The following TENM4 variants were observed in gnomAD, a reference collection of about 807,000 sequenced individuals.
The protein encoded by TENM4 is teneurin transmembrane protein 4, also known as teneurin-4.
A neutral mutation model predicts 243.3 loss-of-function variants in TENM4; 82 were observed. The ratio of observed to expected loss-of-function variants is 0.34; its 90% CI spans 0.28 to 0.40. TENM4 has a LOEUF of 0.40. Among genes scored for constraint, TENM4 ranks in the 10% least tolerant of loss-of-function variants. The probability of loss-of-function intolerance (pLI) is 1.00; values close to 1 mark genes in which losing one functional copy is unlikely to be tolerated. For synonymous variants in TENM4, 1,412 were observed against 1,456.3 expected, an observed-to-expected ratio of 0.97 and a Z score of 0.69; for missense variants, 3,138 against 3,673.3, an observed-to-expected ratio of 0.85 and a Z score of 3.77.
intron 1 of TENM4, among the ~76,000 whole-genome samples, chr11:79,311,106 T>C (rs374781095): frequency 1.3e-5 from 2 of 152,180 alleles, no homozygotes; most frequent in African/African-American, 4.8e-5. Flanking sequence ...GCGAATGTCG[T>C]AGCTAACACA....
intron 2 of TENM4, among the ~76,000 whole-genome samples, chr11:79,287,666 G>A (rs2135376238): frequency 1.3e-5 from 2 of 152,212 alleles, no homozygotes; most frequent in Admixed American, 1.3e-4. Flanking sequence ...AGGTAACACT[G>A]AGGACCAGAA....
intron 20 of TENM4, among the ~76,000 whole-genome samples, chr11:78,733,686 A>G (rs1389242379): frequency 6.6e-6 from 1 of 152,088 alleles, no homozygotes; most frequent in Non-Finnish European, 1.5e-5. Context: ...TTGTACACCC[A>G]ATGTTTCTGA....
Position 78,702,027 on chromosome 11 carries a change from C to T in TENM4, c.4586G>A (p.Gly1529Asp). 2 of 1,613,876 alleles carry T rather than the reference C, an allele frequency of 1.2e-6. No individual in the cohort carries two copies. Among genetic ancestry groups the T allele is most frequent in the South Asian group, 1.1e-5 (1 of 91,058 alleles). The part of the protein sequence containing the change: ...ANCDCFSGDD[G>D]YAKDAKLNTP... ...ATTTAACTTTGCATCCTTGGCATAA[C>T]CATCGTCTCCAGAAAAACAATCACA... Residue 1529 changes from glycine to aspartate, a missense_variant, in exon 28 of 34, where the codon GGT becomes GAT. Gly to Asp is a moderately conservative substitution (Grantham distance 94, BLOSUM62 -1). Coordinates refer to ENST00000278550, the MANE Select transcript of TENM4 (RefSeq NM_001098816.3).
intron 1 of TENM4, among the ~76,000 whole-genome samples, chr11:79,397,282 G>A: frequency 6.6e-6 from 1 of 152,132 alleles, no homozygotes; most frequent in Non-Finnish European, 1.5e-5. Flanking sequence ...TAGCCCCATA[G>A]TTATAGGTAT....
intron 1 of TENM4, among the ~76,000 whole-genome samples, chr11:79,356,491 G>T (rs1857498984): frequency 1.3e-5 from 2 of 152,162 alleles, no homozygotes; most frequent in East Asian, 3.9e-4. Flanking sequence ...ACCACTTCTG[G>T]AATTGTTCAG....
In TENM4 at chr11:78,722,920, G is replaced by A. The variant is rs772638750; in HGVS notation, c.3551-3C>T. On this transcript the variant is annotated splice_region_variant and splice_polypyrimidine_tract_variant and intron_variant, in intron 23 of 33. Transcript: ENST00000278550. ...CCCATTCCCTTTGTGCAGGATGCCT[G>A]GGACAAGGAAAGAACAGAATTGCCT... 6 of 1,612,946 alleles carry A rather than the reference G, an allele frequency of 3.7e-6. No homozygotes were observed. Among genetic ancestry groups the A allele is most frequent in the Non-Finnish European group, 5.1e-6 (6 of 1,178,942 alleles).
At chr11:79,167,063 C>T (rs12419669) in intron 3 of TENM4, among the ~76,000 whole-genome samples, 12,410 of 152,244 alleles carry the variant, frequency 0.082, 1,059 homozygotes, top group East Asian at 0.44. Context: ...ACCCATTGAA[C>T]AAGTGGAGTT....
At chr11:79,240,341 A>T (rs1864566936) in intron 2 of TENM4, among the ~76,000 whole-genome samples, 1 of 152,076 alleles carries the variant, frequency 6.6e-6, no homozygotes, top group Admixed American at 6.5e-5. Flanking sequence ...TTATAAACTT[A>T]TAAGTTTATA....
intron 12 of TENM4, among the ~76,000 whole-genome samples, chr11:78,826,492 G>A (rs1180845109): frequency 1.3e-5 from 2 of 152,110 alleles, no homozygotes; most frequent in Non-Finnish European, 2.9e-5. Flanking sequence ...GGCTTGGACT[G>A]TACCTGGAAA....
At chr11:79,309,351 A>G (rs913222484) in intron 1 of TENM4, among the ~76,000 whole-genome samples, 2 of 152,136 alleles carry the variant, frequency 1.3e-5, no homozygotes, top group Non-Finnish European at 2.9e-5. Flanking sequence ...CATACAGGCC[A>G]AGAGGGTCCT....
intron 1 of TENM4, among the ~76,000 whole-genome samples, chr11:79,381,061 G>A (rs1018764105): frequency 6.6e-6 from 1 of 152,004 alleles, no homozygotes; most frequent in Non-Finnish European, 1.5e-5. Context: ...TAGATCCTCC[G>A]AGGCCTCTGG....
At position 78,854,037 on chromosome 11, in the gene TENM4, A is replaced by G. The variant is rs1015883069; in HGVS notation, c.1681+67T>C. The G allele has an allele frequency of 1.9e-5, 27 of 1,448,006 alleles. No individual in the cohort carries two copies. In the East Asian group the frequency reaches 6.5e-4, roughly 35 times the overall value. The allele number at this position is 1,448,006 out of a possible 1,614,324, so 89.7% of individuals were successfully genotyped here. A position where few individuals can be genotyped will look rare whatever the true frequency, so the allele number is the denominator to read the frequency against. ...TCCCCTTGTCAGTGTCAGTCCCAGA[A>G]TCTCCATGCAGCCTCCGACCAAAAG... On this transcript the variant is annotated intron_variant, in intron 12 of 33. Transcript: ENST00000278550.
intron 6 of TENM4, among the ~76,000 whole-genome samples, chr11:78,969,997 C>T (rs572120519): frequency 6.6e-6 from 1 of 152,348 alleles, no homozygotes; most frequent in African/African-American, 2.4e-5. Flanking sequence ...AAACCAAATG[C>T]ATTCTTTTTC....
At chr11:78,833,918 C>CTA in intron 12 of TENM4, among the ~76,000 whole-genome samples, 1 of 152,300 alleles carries the variant, frequency 6.6e-6, no homozygotes, top group African/African-American at 2.4e-5. Context: ...CATCTGCTTC[C>CTA]TAACTCTTTG....
intron 6 of TENM4, among the ~76,000 whole-genome samples, chr11:78,912,862 C>G (rs1241635232): frequency 6.6e-6 from 1 of 152,182 alleles, no homozygotes; most frequent in Admixed American, 6.5e-5. Context: ...GACTGGGCCA[C>G]CATTTGAATC....
intron 6 of TENM4, among the ~76,000 whole-genome samples, chr11:78,957,038 C>G (rs2136513978): frequency 6.6e-6 from 1 of 152,280 alleles, no homozygotes; most frequent in East Asian, 1.9e-4. Context: ...TCCCTCATCT[C>G]TCTGGAAAAC....
chr11:79,041,279 G>A (rs1003153625), intron 6 of TENM4, among the ~76,000 whole-genome samples: 1 of 151,984 alleles, frequency 6.6e-6, no homozygotes, highest in Admixed American at 6.6e-5. Flanking sequence ...GGCCAGGCTG[G>A]TCTTGAATTC....
chr11:79,380,990 T>A (rs549607734), intron 1 of TENM4, among the ~76,000 whole-genome samples: 1 of 152,238 alleles, frequency 6.6e-6, no homozygotes, highest in South Asian at 2.1e-4. Context: ...CTTGGAGGAT[T>A]AGTGGAGATA....
chr11:79,249,288 A>G (rs1270900640), intron 2 of TENM4, among the ~76,000 whole-genome samples: 1 of 152,182 alleles, frequency 6.6e-6, no homozygotes, highest in African/African-American at 2.4e-5. Flanking sequence ...TATTTAACCT[A>G]CCTACCCATG....
Sources: gnomAD v4.1 joint callset for allele counts (sites outside exome capture counted in the v4.1 genomes callset) on GRCh38, gnomAD v4.1.1 for gene constraint, MANE v1.5 for transcripts, NCBI Gene and HGNC (gene_info 2026-07-23, HGNC 2026-07-21) for gene names.